The following CELF4 variants were observed in gnomAD, a reference collection of about 807,000 sequenced individuals.
CELF4 encodes the protein CUG-BP- and ETR-3-like factor 4.
Under a neutral mutation model 59.9 loss-of-function variants are expected in CELF4, and 18 were observed. That is an observed-to-expected ratio of 0.30 (90% confidence interval 0.21 to 0.45). The LOEUF (loss-of-function observed/expected upper bound fraction) is 0.45. Among genes scored for constraint, CELF4 ranks in the 20% least tolerant of loss-of-function variants. The probability of loss-of-function intolerance (pLI) is 1.00; values close to 1 mark genes in which losing one functional copy is unlikely to be tolerated. For missense variants in CELF4, 456 were observed against 689.0 expected (o/e 0.66, Z 3.79); for synonymous variants, 261 against 267.1 (o/e 0.98, Z 0.22).
intron 3 of CELF4, among the ~76,000 whole-genome samples, chr18:37,290,584 C>A (rs1423201548): frequency 6.6e-6 from 1 of 152,112 alleles, no homozygotes; most frequent in Non-Finnish European, 1.5e-5. Flanking sequence ...CCAGGCCTAG[C>A]GCATCTCACC....
intron 2 of CELF4, among the ~76,000 whole-genome samples, chr18:37,429,887 T>G (rs1390285134): frequency 6.6e-6 from 1 of 152,170 alleles, no homozygotes; most frequent in Non-Finnish European, 1.5e-5. Flanking sequence ...CTGACTCCTG[T>G]GTCAGGCACA....
intron 1 of CELF4, among the ~76,000 whole-genome samples, chr18:37,508,629 A>C (rs1375027854): frequency 6.6e-6 from 1 of 152,204 alleles, no homozygotes; most frequent in Non-Finnish European, 1.5e-5. Context: ...GCTGCAGGGG[A>C]CATGAGACAG....
At chr18:37,278,194 T>C (rs2093636592) in intron 3 of CELF4, among the ~76,000 whole-genome samples, 1 of 152,098 alleles carries the variant, frequency 6.6e-6, no homozygotes, top group South Asian at 2.1e-4. Context: ...TCTAAACATA[T>C]AAGCTGCCAG....
intron 2 of CELF4, among the ~76,000 whole-genome samples, chr18:37,323,450 T>C (rs767576896): frequency 2.6e-5 from 4 of 152,122 alleles, no homozygotes; most frequent in Non-Finnish European, 5.9e-5. Context: ...AGTTCCTGGG[T>C]TCCCTGTGAA....
At chr18:37,403,742 G>A (rs762845014) in intron 2 of CELF4, among the ~76,000 whole-genome samples, 5 of 152,298 alleles carry the variant, frequency 3.3e-5, no homozygotes, top group African/African-American at 9.6e-5. Flanking sequence ...GATACGTGTC[G>A]GAGTTTACAT....
intron 2 of CELF4, among the ~76,000 whole-genome samples, chr18:37,394,954 C>A (rs1286471147): frequency 2.4e-4 from 33 of 136,542 alleles, no homozygotes; most frequent in African/African-American, 8.4e-4. Context: ...CGCCCCCCAC[C>A]CCCCACCCGG....
intron 2 of CELF4, among the ~76,000 whole-genome samples, chr18:37,458,100 C>A (rs2099783637): frequency 6.6e-6 from 1 of 152,162 alleles, no homozygotes; most frequent in Admixed American, 6.5e-5. Context: ...AAAGACAGGC[C>A]AGACAGCAGG....
At chr18:37,329,727 C>T (rs963647798) in intron 2 of CELF4, among the ~76,000 whole-genome samples, 3 of 152,228 alleles carry the variant, frequency 2.0e-5, no homozygotes, top group African/African-American at 7.2e-5. Context: ...AGACTCCAAG[C>T]CCCATGGACT....
chr18:37,332,415 T>C (rs1417096228), intron 2 of CELF4, among the ~76,000 whole-genome samples: 1 of 152,164 alleles, frequency 6.6e-6, no homozygotes, highest in Non-Finnish European at 1.5e-5. Context: ...TGCTCAGCAG[T>C]GTCCAGAAAG....
intron 2 of CELF4, among the ~76,000 whole-genome samples, chr18:37,434,520 C>A (rs192996486): frequency 4.1e-4 from 63 of 152,292 alleles, no homozygotes; most frequent in African/African-American, 1.5e-3. Context: ...TGCCCAACCT[C>A]CTCTGGGAGT....
chr18:37,444,617 T>TACACACACACACACACACACACACACAC (rs61248144), intron 2 of CELF4, among the ~76,000 whole-genome samples: 2 of 134,152 alleles, frequency 1.5e-5, no homozygotes, highest in Admixed American at 7.8e-5. Context: ...CTAGCATGCA[T>TACACACACACACACACACACACACACAC]ACACACACAC....
chr18:37,259,290 G>A (rs746418392), intron 10 of CELF4, 26 bp from the exon 11 acceptor site: 1 of 884,148 alleles, frequency 1.1e-6, no homozygotes, highest in Non-Finnish European at 1.8e-6. Flanking sequence ...GGGGTGGGCG[G>A]GGGAGGAGGG....
At chr18:37,386,085 G>A (rs566530062) in intron 2 of CELF4, among the ~76,000 whole-genome samples, 12 of 152,254 alleles carry the variant, frequency 7.9e-5, no homozygotes, top group African/African-American at 2.9e-4. Context: ...ATATTACCTG[G>A]AGATGATGAA....
chr18:37,269,321 G>T (rs1177794509), intron 8 of CELF4, among the ~76,000 whole-genome samples: 2 of 152,150 alleles, frequency 1.3e-5, no homozygotes, highest in Non-Finnish European at 2.9e-5. Flanking sequence ...TGGGGAATGG[G>T]ATTAAGGAAA....
At chr18:37,274,565 G>A (rs754599511) in intron 5 of CELF4, 111 bp from the exon 6 acceptor site, 2 of 1,584,402 alleles carry the variant, frequency 1.3e-6, no homozygotes, top group South Asian at 1.1e-5. Flanking sequence ...CTTTGGAGGA[G>A]GCGGCATCGG....
Position 37,539,645 on chromosome 18 carries a change from C to T in CELF4, c.286+25711G>A, listed in dbSNP as rs143048749. ...TGTTAGTCAGTGCACACGCAATGCTCTCCGCACTGTTTGATAGAACTTTCT... is the reference window on the plus strand; with the variant it reads ...TGTTAGTCAGTGCACACGCAATGCTTTCCGCACTGTTTGATAGAACTTTCT... On this transcript the variant is annotated intron_variant, in intron 1 of 12. Coordinates refer to ENST00000420428, the MANE Select transcript of CELF4 (RefSeq NM_020180.4). Among the ~76,000 whole-genome samples the T allele has an allele frequency of 2.7e-3, 410 of 152,314 alleles. 3 individuals carry two copies. The highest frequency in any genetic ancestry group is 9.5e-3 in the African/African-American group (395 of 41,574).
chr18:37,545,756 A>T (rs2099981142), intron 1 of CELF4, among the ~76,000 whole-genome samples: 1 of 115,576 alleles, frequency 8.7e-6, no homozygotes, highest in Non-Finnish European at 1.5e-5. Context: ...GTGGGCATAC[A>T]CACACACACA....
At chr18:37,557,965 G>A (rs1229441656) in intron 1 of CELF4, among the ~76,000 whole-genome samples, 1 of 146,586 alleles carries the variant, frequency 6.8e-6, no homozygotes, top group Non-Finnish European at 1.5e-5. Flanking sequence ...GAGAAACCCT[G>A]TAAATGGATG....
chr18:37,535,180 A>T (rs2099972554), intron 1 of CELF4, among the ~76,000 whole-genome samples: 1 of 152,150 alleles, frequency 6.6e-6, no homozygotes, highest in Non-Finnish European at 1.5e-5. Context: ...CTGACTATGG[A>T]GGATTAGCTA....
Sources: gnomAD v4.1 joint callset for allele counts (sites outside exome capture counted in the v4.1 genomes callset) on GRCh38, gnomAD v4.1.1 for gene constraint, MANE v1.5 for transcripts, NCBI Gene and HGNC (gene_info 2026-07-23, HGNC 2026-07-21) for gene names.